CARMIL1: variants seen among roughly 807,000 people sequenced by gnomAD.
CARMIL1 encodes the protein capping protein regulator and myosin 1 linker 1.
In CARMIL1, 90 loss-of-function variants were observed where a neutral mutation model predicts 177.1. The observed-to-expected ratio is 0.51, with a 90% CI of 0.43 to 0.61. CARMIL1 has a LOEUF of 0.61. CARMIL1 is among the 20% of genes least tolerant of loss of function. The probability of loss-of-function intolerance (pLI) is 0.00; values close to 1 mark genes in which losing one functional copy is unlikely to be tolerated. For missense variants in CARMIL1, 1,380 were observed against 1,667.0 expected, an observed-to-expected ratio of 0.83 and a Z score of 3.00; for synonymous variants, 577 against 606.2, an observed-to-expected ratio of 0.95 and a Z score of 0.71.
At chr6:25,431,571 G>A (rs895616822) in intron 4 of CARMIL1, among the ~76,000 whole-genome samples, 2 of 119,804 alleles carry the variant, frequency 1.7e-5, no homozygotes, top group Non-Finnish European at 3.7e-5. Flanking sequence ...ATTCAGGAAT[G>A]TTTATGTTTA....
chr6:25,287,213 GA>G (rs1414840741), intron 2 of CARMIL1, among the ~76,000 whole-genome samples: 1 of 152,196 alleles, frequency 6.6e-6, no homozygotes, highest in African/African-American at 2.4e-5. Flanking sequence ...TGAGTTGGCT[GA>G]ATATCTACAG....
At chr6:25,521,750 A>G (rs914310787) in intron 23 of CARMIL1, among the ~76,000 whole-genome samples, 13 of 148,096 alleles carry the variant, frequency 8.8e-5, no homozygotes, top group Non-Finnish European at 1.5e-5. Flanking sequence ...AGCCTGGCCG[A>G]CAGAGCGAGA....
chr6:25,448,764 T>G (rs1798484389), intron 5 of CARMIL1, among the ~76,000 whole-genome samples: 2 of 152,232 alleles, frequency 1.3e-5, no homozygotes, highest in South Asian at 4.1e-4. Context: ...GCCTGGTACC[T>G]GGTTTTGGGT....
intron 2 of CARMIL1, among the ~76,000 whole-genome samples, chr6:25,369,330 T>C (rs989792398): frequency 6.6e-6 from 1 of 151,996 alleles, no homozygotes; most frequent in African/African-American, 2.4e-5. Context: ...TCTCAACCCA[T>C]TGATCGCTCT....
At chr6:25,410,131 T>C (rs374788911) in intron 2 of CARMIL1, among the ~76,000 whole-genome samples, 2 of 117,364 alleles carry the variant, frequency 1.7e-5, no homozygotes, top group South Asian at 6.0e-4. Flanking sequence ...AGTGGGAAAC[T>C]ATCTTATAAC....
At chr6:25,442,789 C>G (rs527343141) in intron 5 of CARMIL1, among the ~76,000 whole-genome samples, 52 of 152,156 alleles carry the variant, frequency 3.4e-4, no homozygotes, top group Non-Finnish European at 6.5e-4. Context: ...CCGCTGGACA[C>G]GTCTGCAGGT....
chr6:25,328,754 T>C (rs904794265), intron 2 of CARMIL1, among the ~76,000 whole-genome samples: 2 of 152,064 alleles, frequency 1.3e-5, no homozygotes, highest in East Asian at 3.9e-4. Context: ...AAAACAGTGA[T>C]TGTGGTAATT....
rs192788268 is a variant in CARMIL1 at position 25,598,780 on chromosome 6, G to A, written c.3120-1534G>A. On this transcript the variant is annotated intron_variant, in intron 32 of 36. Transcript: ENST00000329474. ...CGAAGAGCTTCTTGGAAATTTGTGG[G>A]TAGAGCTTGTCGACTGGTGGGCTTC... 1.6e-4 allele frequency among the ~76,000 whole-genome samples: 25 copies of A among 152,258 alleles called. No homozygotes were observed. The East Asian group carries it at 4.2e-3, about 26-fold the overall frequency.
At chr6:25,357,829 T>A (rs1026912814) in intron 2 of CARMIL1, among the ~76,000 whole-genome samples, 1 of 152,230 alleles carries the variant, frequency 6.6e-6, no homozygotes, top group African/African-American at 2.4e-5. Context: ...TATTTCAACT[T>A]TAATCAATAA....
intron 8 of CARMIL1, among the ~76,000 whole-genome samples, chr6:25,454,413 A>G (rs577417329): frequency 6.6e-6 from 1 of 152,328 alleles, no homozygotes; most frequent in Admixed American, 6.5e-5. Flanking sequence ...TTGCACAGAT[A>G]GGTGTCACGG....
intron 5 of CARMIL1, among the ~76,000 whole-genome samples, chr6:25,443,197 T>C (rs1451200205): frequency 2.6e-5 from 4 of 152,238 alleles, no homozygotes; most frequent in African/African-American, 9.6e-5. Context: ...TGGCTGTGCC[T>C]ACTTCTGACA....
chr6:25,290,377 T>C (rs1476826918), intron 2 of CARMIL1, among the ~76,000 whole-genome samples: 2 of 141,430 alleles, frequency 1.4e-5, no homozygotes, highest in African/African-American at 5.1e-5. Flanking sequence ...TTCTTTTTTT[T>C]TTTTTTTTTT....
intron 2 of CARMIL1, chr6:25,350,867 G>A (rs1788044003): frequency 6.6e-6 from 1 of 151,998 alleles, no homozygotes; most frequent in South Asian, 2.1e-4. Flanking sequence ...CCCCCTTTTG[G>A]GGCATTTTTG....
intron 2 of CARMIL1, among the ~76,000 whole-genome samples, chr6:25,411,900 C>T (rs983262635): frequency 6.6e-6 from 1 of 152,136 alleles, no homozygotes; most frequent in African/African-American, 2.4e-5. Context: ...TAGAAGTCCA[C>T]CCAAAAAGAG....
intron 31 of CARMIL1, among the ~76,000 whole-genome samples, chr6:25,592,529 A>G (rs1358144250): frequency 2.0e-5 from 3 of 152,210 alleles, no homozygotes; most frequent in Non-Finnish European, 4.4e-5. Flanking sequence ...ATAAAGCACC[A>G]TTCAGATGAG....
intron 36 of CARMIL1, among the ~76,000 whole-genome samples, chr6:25,618,308 C>T (rs1759452009): frequency 6.6e-6 from 1 of 150,924 alleles, no homozygotes; most frequent in Non-Finnish European, 1.5e-5. Context: ...TTAGAAGCAT[C>T]AAATGAATCC....
chr6:25,534,571 A>T (rs1384309917), intron 24 of CARMIL1, among the ~76,000 whole-genome samples: 2 of 152,166 alleles, frequency 1.3e-5, no homozygotes, highest in Non-Finnish European at 2.9e-5. Flanking sequence ...CCTCCTTTGG[A>T]TAAAATTTTT....
intron 17 of CARMIL1, among the ~76,000 whole-genome samples, chr6:25,507,032 C>A (rs450681): frequency 0.44 from 66,324 of 151,898 alleles, 14,856 homozygotes; most frequent in Middle Eastern, 0.52. Flanking sequence ...TATTTTTAAC[C>A]GTTTAAAAAG....
intron 29 of CARMIL1, among the ~76,000 whole-genome samples, chr6:25,559,060 G>T (rs897677468): frequency 3.9e-5 from 6 of 152,032 alleles, no homozygotes; most frequent in African/African-American, 1.2e-4. Flanking sequence ...TAATAATTTC[G>T]TGTATACTTT....
Sources: allele counts gnomAD v4.1 joint callset (sites outside exome capture counted in the v4.1 genomes callset), GRCh38; gene constraint gnomAD v4.1.1; transcripts MANE v1.5; gene names NCBI Gene and HGNC (gene_info 2026-07-23, HGNC 2026-07-21).